Variants in PDE10A observed in about 807,000 individuals in gnomAD.
PDE10A encodes phosphodiesterase 10A, also known as cAMP and cAMP-inhibited cGMP 3',5'-cyclic phosphodiesterase 10A.
A neutral mutation model predicts 97.7 loss-of-function variants in PDE10A; 39 were observed. The observed-to-expected ratio is 0.40, with a 90% confidence interval of 0.31 to 0.52. PDE10A has a LOEUF of 0.52. Ranked by LOEUF, PDE10A falls within the 20% of genes least tolerant of loss-of-function variation. PDE10A has a pLI of 0.56. For synonymous variants in PDE10A, 371 were observed against 376.8 expected (o/e 0.98, Z 0.18); for missense variants, 731 against 1,047.8 (o/e 0.70, Z 4.17).
intron 13 of PDE10A, among the ~76,000 whole-genome samples, chr6:165,397,927 G>A (rs1431591764): frequency 6.6e-6 from 1 of 151,846 alleles, no homozygotes; most frequent in Non-Finnish European, 1.5e-5. Context: ...CACAAACTGT[G>A]TTCATGTATT....
intron 1 of PDE10A, among the ~76,000 whole-genome samples, chr6:165,624,603 G>A (rs1788296165): frequency 6.6e-6 from 1 of 152,046 alleles, no homozygotes; most frequent in African/African-American, 2.4e-5. Context: ...CCCACGTTAG[G>A]AGTTTTAAGT....
chr6:165,742,841 G>A (rs1012718356), intron 1 of PDE10A, among the ~76,000 whole-genome samples: 1 of 152,128 alleles, frequency 6.6e-6, no homozygotes, highest in African/African-American at 2.4e-5. Flanking sequence ...GATCCACACA[G>A]AAAACAGAGA....
intron 3 of PDE10A, among the ~76,000 whole-genome samples, chr6:165,473,798 G>C: frequency 6.6e-6 from 1 of 152,194 alleles, no homozygotes; most frequent in East Asian, 1.9e-4. Context: ...TACACTGGGA[G>C]TGTCTTCTCT....
At chr6:165,965,347 TG>T (rs1177092232) in intron 1 of PDE10A, among the ~76,000 whole-genome samples, 1 of 152,026 alleles carries the variant, frequency 6.6e-6, no homozygotes, top group African/African-American at 2.4e-5. Flanking sequence ...GAGACACTGG[TG>T]GGGCAGACAC....
chr6:165,839,944 T>TCCC (rs1456972396), intron 1 of PDE10A, among the ~76,000 whole-genome samples: 1 of 150,480 alleles, frequency 6.6e-6, no homozygotes, highest in African/African-American at 2.4e-5. Context: ...CTTATCTTCA[T>TCCC]TTCCATCCCC....
At chr6:165,691,748 C>T (rs1791307019) in intron 1 of PDE10A, among the ~76,000 whole-genome samples, 1 of 152,242 alleles carries the variant, frequency 6.6e-6, no homozygotes, top group Non-Finnish European at 1.5e-5. Flanking sequence ...CCCAGGTGGC[C>T]ATGCCTTCGC....
chr6:165,901,925 C>T (rs964420681), intron 1 of PDE10A, among the ~76,000 whole-genome samples: 3 of 152,150 alleles, frequency 2.0e-5, no homozygotes, highest in Admixed American at 1.3e-4. Flanking sequence ...CTGATATGCA[C>T]GGTTGAGGTC....
chr6:165,360,017 A>G (rs1056310896), intron 18 of PDE10A, among the ~76,000 whole-genome samples: 2 of 152,094 alleles, frequency 1.3e-5, no homozygotes, highest in Non-Finnish European at 2.9e-5. Context: ...GATCTCCCCA[A>G]TCCTGTGGAA....
intron 1 of PDE10A, among the ~76,000 whole-genome samples, chr6:165,546,441 CA>C (rs1263812887): frequency 1.3e-5 from 2 of 152,028 alleles, no homozygotes. Flanking sequence ...ATTACAAGGT[CA>C]GGGGATCTCA....
intron 1 of PDE10A, among the ~76,000 whole-genome samples, chr6:165,826,483 A>G (rs1315197487): frequency 6.3e-5 from 7 of 111,088 alleles, no homozygotes; most frequent in East Asian, 4.3e-4. Flanking sequence ...ACCTGTCCCC[A>G]CGTCCCTCTG....
At chr6:165,762,765 G>C (rs2323028) in intron 1 of PDE10A, among the ~76,000 whole-genome samples, 21,365 of 151,860 alleles carry the variant, frequency 0.14, 2,311 homozygotes, top group African/African-American at 0.3. Context: ...CTTTTCTCTG[G>C]GACATATATT....
At chr6:165,480,033 C>T (rs565443468) in intron 3 of PDE10A, among the ~76,000 whole-genome samples, 83 of 152,060 alleles carry the variant, frequency 5.5e-4, no homozygotes, top group Non-Finnish European at 8.5e-4. Flanking sequence ...AGGGTCAAGA[C>T]GCAATTAGTC....
chr6:165,927,874 T>C (rs1782992924), intron 1 of PDE10A, among the ~76,000 whole-genome samples: 1 of 150,060 alleles, frequency 6.7e-6, no homozygotes, highest in Non-Finnish European at 1.5e-5. Context: ...TTTTTAAATT[T>C]TTAGTAGAGA....
intron 13 of PDE10A, among the ~76,000 whole-genome samples, chr6:165,403,096 G>A (rs909577540): frequency 2.0e-5 from 3 of 152,184 alleles, no homozygotes; most frequent in Admixed American, 6.5e-5. Context: ...GGACACTGTA[G>A]TACTTAGCCA....
At chr6:165,834,063 A>G (rs922185976) in intron 1 of PDE10A, among the ~76,000 whole-genome samples, 3 of 152,210 alleles carry the variant, frequency 2.0e-5, no homozygotes, top group Non-Finnish European at 2.9e-5. Flanking sequence ...GCTTTGTCCC[A>G]CTTGCGAGGG....
At chr6:165,557,342 C>A (rs191012056) in intron 1 of PDE10A, among the ~76,000 whole-genome samples, 1 of 152,124 alleles carries the variant, frequency 6.6e-6, no homozygotes, top group East Asian at 1.9e-4. Flanking sequence ...TAATTAATAA[C>A]CTTCATGATC....
At chr6:165,702,476 A>G (rs1006452206) in intron 1 of PDE10A, among the ~76,000 whole-genome samples, 35 of 152,322 alleles carry the variant, frequency 2.3e-4, no homozygotes, top group Non-Finnish European at 4.7e-4. Context: ...TAACTGTGAC[A>G]ATCTTGTCCT....
chr6:165,931,862 G>T (rs1220190995), intron 1 of PDE10A, among the ~76,000 whole-genome samples: 1 of 152,142 alleles, frequency 6.6e-6, no homozygotes, highest in Admixed American at 6.5e-5. Flanking sequence ...AGAGGAAAAA[G>T]CTCCAGGAGG....
intron 17 of PDE10A, among the ~76,000 whole-genome samples, chr6:165,383,242 C>T (rs1444236862): frequency 6.6e-6 from 1 of 151,828 alleles, no homozygotes; most frequent in African/African-American, 2.4e-5. Context: ...TTTTTAAAGT[C>T]AAAATGGGCT....
Sources: allele counts gnomAD v4.1 joint callset (sites outside exome capture counted in the v4.1 genomes callset), GRCh38; gene constraint gnomAD v4.1.1; transcripts MANE v1.5; gene names NCBI Gene and HGNC (gene_info 2026-07-23, HGNC 2026-07-21).